The following GPC6 variants were observed in gnomAD, a reference collection of about 807,000 sequenced individuals.
GPC6 encodes glypican-6.
A neutral mutation model predicts 55.2 loss-of-function variants in GPC6; 14 were observed. The observed-to-expected ratio is 0.25, with a 90% CI of 0.17 to 0.40. The LOEUF (loss-of-function observed/expected upper bound fraction) is 0.40, where lower values mean the gene tolerates loss of function less well. Among genes scored for constraint, GPC6 ranks in the 10% least tolerant of loss-of-function variants. GPC6 has a pLI of 1.00. For synonymous variants in GPC6, 278 were observed against 259.6 expected, an observed-to-expected ratio of 1.07 and a Z score of -0.68; for missense variants, 641 against 708.5, an observed-to-expected ratio of 0.90 and a Z score of 1.08.
At chr13:94,205,754 C>T (rs1889882454) in intron 4 of GPC6, among the ~76,000 whole-genome samples, 1 of 150,174 alleles carries the variant, frequency 6.7e-6, no homozygotes, top group Non-Finnish European at 1.5e-5. Context: ...AGGGAGAATA[C>T]GTTCACTTTT....
At chr13:93,880,420 A>G (rs1874886132) in intron 3 of GPC6, among the ~76,000 whole-genome samples, 1 of 152,144 alleles carries the variant, frequency 6.6e-6, no homozygotes, top group Non-Finnish European at 1.5e-5. Flanking sequence ...TTGTGGGGAC[A>G]TGGATGAAAT....
chr13:94,322,929 G>C (rs989613348), intron 6 of GPC6, among the ~76,000 whole-genome samples: 1 of 152,000 alleles, frequency 6.6e-6, no homozygotes, highest in Non-Finnish European at 1.5e-5. Flanking sequence ...GTATATAGCA[G>C]CTAGATAGAC....
At chr13:93,629,400 G>A (rs1054336637) in intron 2 of GPC6, among the ~76,000 whole-genome samples, 1 of 151,924 alleles carries the variant, frequency 6.6e-6, no homozygotes, top group Admixed American at 6.6e-5. Flanking sequence ...TTAGAAAACG[G>A]CAATAAACTA....
intron 1 of GPC6, among the ~76,000 whole-genome samples, chr13:93,425,033 T>G (rs1877071490): frequency 6.6e-6 from 1 of 152,158 alleles, no homozygotes; most frequent in Non-Finnish European, 1.5e-5. Context: ...CTTTCAGGGC[T>G]GGGACAAGGG....
chr13:94,319,525 C>T (rs1876711795), intron 6 of GPC6, among the ~76,000 whole-genome samples: 2 of 152,186 alleles, frequency 1.3e-5, no homozygotes, highest in South Asian at 4.1e-4. Flanking sequence ...CTTTGGTTAT[C>T]ATTCCTTTTG....
intron 1 of GPC6, among the ~76,000 whole-genome samples, chr13:93,386,090 C>T (rs556096497): frequency 8.9e-5 from 11 of 123,604 alleles, no homozygotes; most frequent in Non-Finnish European, 1.8e-4. Context: ...ATGGAATGAC[C>T]ACTTTGTTAA....
chr13:93,684,279 G>A (rs1309548227), intron 2 of GPC6, among the ~76,000 whole-genome samples: 1 of 152,008 alleles, frequency 6.6e-6, no homozygotes, highest in African/African-American at 2.4e-5. Context: ...TGCGCCTCCT[G>A]GGTTCAAGAG....
chr13:93,889,083 A>G (rs1271002141), intron 3 of GPC6, among the ~76,000 whole-genome samples: 3 of 152,168 alleles, frequency 2.0e-5, no homozygotes, highest in Non-Finnish European at 4.4e-5. Context: ...ATTTTCTTGT[A>G]TACTTCTTAT....
Position 94,027,828 on chromosome 13 carries a change from C to A in GPC6, c.811C>A (p.Leu271Ile). 6.2e-7 allele frequency: 1 copy of A among 1,614,040 alleles called. No homozygotes were observed. Among genetic ancestry groups the A allele is most frequent in the Non-Finnish European group, 8.5e-7 (1 of 1,179,948 alleles). Residue 271 changes from leucine to isoleucine, a missense_variant, in exon 4 of 9, where the codon CTC (leucine) becomes ATC (isoleucine). Coordinates refer to ENST00000377047, the MANE Select transcript of GPC6 (RefSeq NM_005708.5). Reference protein sequence around the residue: ...PTVRPCNNYCLNVMKGCLANQ... With the variant: ...PTVRPCNNYCINVMKGCLANQ... ...TGTGAGGCCCTGCAACAACTACTGT[C>A]TCAACGTCATGAAGGGCTGCTTGGC...
intron 4 of GPC6, among the ~76,000 whole-genome samples, chr13:94,094,158 T>G (rs1366245670): frequency 6.6e-6 from 1 of 152,060 alleles, no homozygotes; most frequent in Non-Finnish European, 1.5e-5. Flanking sequence ...AGGGTGTTAC[T>G]TTATTATGTC....
chr13:93,587,187 A>G (rs1566437282), intron 2 of GPC6, among the ~76,000 whole-genome samples: 1 of 151,930 alleles, frequency 6.6e-6, no homozygotes, highest in Non-Finnish European at 1.5e-5. Flanking sequence ...TAGGGATATA[A>G]TATTACTTAT....
chr13:93,505,460 G>GAC (rs1880678586), intron 1 of GPC6, among the ~76,000 whole-genome samples: 3 of 151,464 alleles, frequency 2.0e-5, no homozygotes, highest in Non-Finnish European at 4.4e-5. Flanking sequence ...CAGAGACAGA[G>GAC]AGAGAGAGAG....
intron 3 of GPC6, among the ~76,000 whole-genome samples, chr13:93,915,419 C>A (rs1387645426): frequency 6.6e-6 from 1 of 152,210 alleles, no homozygotes; most frequent in African/African-American, 2.4e-5. Flanking sequence ...ATTTATCACA[C>A]CTCCACTGCC....
chr13:94,365,231 G>A (rs1039906399), intron 6 of GPC6, among the ~76,000 whole-genome samples: 1 of 152,182 alleles, frequency 6.6e-6, no homozygotes, highest in Non-Finnish European at 1.5e-5. Context: ...AAGACTTTCA[G>A]CTAAATCATA....
intron 4 of GPC6, among the ~76,000 whole-genome samples, chr13:94,235,573 G>A (rs184122938): frequency 4.1e-4 from 63 of 152,120 alleles, no homozygotes; most frequent in Non-Finnish European, 8.2e-4. Context: ...AGCAAATGAG[G>A]TAGTAGAGTA....
intron 4 of GPC6, among the ~76,000 whole-genome samples, chr13:94,282,504 C>A (rs1199627457): frequency 6.6e-6 from 1 of 152,174 alleles, no homozygotes; most frequent in Admixed American, 6.5e-5. Context: ...AACTACAGTT[C>A]AAATGAGATT....
chr13:94,149,682 T>G (rs1453392448), intron 4 of GPC6, among the ~76,000 whole-genome samples: 1 of 152,002 alleles, frequency 6.6e-6, no homozygotes. Flanking sequence ...CTCAGAATCC[T>G]AGAGAAAAAT....
intron 3 of GPC6, among the ~76,000 whole-genome samples, chr13:93,938,593 A>G (rs1878562329): frequency 6.6e-6 from 1 of 152,216 alleles, no homozygotes; most frequent in African/African-American, 2.4e-5. Context: ...TAAAAGAGAG[A>G]AATTTAGAAA....
chr13:93,452,851 GT>G (rs1306363317), intron 1 of GPC6, among the ~76,000 whole-genome samples: 1 of 152,006 alleles, frequency 6.6e-6, no homozygotes, highest in African/African-American at 2.4e-5. Flanking sequence ...AGAAGCATTG[GT>G]GTATATTACA....
Sources: gnomAD v4.1 joint callset for allele counts (sites outside exome capture counted in the v4.1 genomes callset) on GRCh38, gnomAD v4.1.1 for gene constraint, MANE v1.5 for transcripts, NCBI Gene and HGNC (gene_info 2026-07-23, HGNC 2026-07-21) for gene names.